SACS: variants seen among roughly 807,000 people sequenced by gnomAD.
The protein encoded by SACS is sacsin.
Under a neutral mutation model 348.0 loss-of-function variants are expected in SACS, and 197 were observed. The ratio of observed to expected loss-of-function variants is 0.57; its 90% confidence interval spans 0.50 to 0.64. SACS has a LOEUF of 0.64. Ranked by LOEUF, SACS falls within the 30% of genes least tolerant of loss-of-function variation. SACS has a pLI of 0.00. For missense variants in SACS, 4,999 were observed against 5,360.8 expected (o/e 0.93, Z 2.11); for synonymous variants, 1,985 against 1,910.6 (o/e 1.04, Z -1.02).
In SACS at chr13:23,371,151, G is replaced by A. The variant is rs2137815857; in HGVS notation, c.186C>T (p.Ile62=). The change falls in exon 4 of 10, where the codon ATC becomes ATT. Residue 62 remains isoleucine (I), a synonymous_variant. Coordinates refer to ENST00000382292, the MANE Select transcript of SACS (RefSeq NM_014363.6). ...WRGGRELSDW[I]KIGDLTSKNC... Reference sequence around the variant, plus strand: ...TTTTGGAAGTCAGATCTCCAATCTTGATCCAGTCAGATAACTGAAAAAAAG... The same window carrying A: ...TTTTGGAAGTCAGATCTCCAATCTTAATCCAGTCAGATAACTGAAAAAAAG... The A allele has an allele frequency of 6.2e-7, 1 of 1,609,290 alleles. No individual in the cohort carries two copies. The highest frequency in any genetic ancestry group is 8.5e-7 in the Non-Finnish European group (1 of 1,176,144).
chr13:23,375,428 C>G, intron 2 of SACS, 159 bp from the exon 3 acceptor site: 1 of 1,201,520 alleles, frequency 8.3e-7, no homozygotes, highest in Non-Finnish European at 1.0e-6. Context: ...CCGGCCCTAC[C>G]GCGTCCACAG....
chr13:23,430,853 G>A (rs79893342), intron 1 of SACS, among the ~76,000 whole-genome samples: 4,695 of 152,248 alleles, frequency 0.031, 103 homozygotes, highest in Middle Eastern at 0.051. Flanking sequence ...TTGGACCACA[G>A]ATCTCTCCTG....
At chr13:23,392,545 C>G (rs946315858) in intron 2 of SACS, among the ~76,000 whole-genome samples, 1 of 152,292 alleles carries the variant, frequency 6.6e-6, no homozygotes, top group Non-Finnish European at 1.5e-5. Context: ...TGCCTTTTCT[C>G]GAGCACTCAT....
At chr13:23,417,429 A>C (rs1770548512) in intron 1 of SACS, among the ~76,000 whole-genome samples, 1 of 152,234 alleles carries the variant, frequency 6.6e-6, no homozygotes, top group Non-Finnish European at 1.5e-5. Flanking sequence ...TGGCATTCGC[A>C]TGGGAACAAT....
Position 23,355,489 on chromosome 13 carries a change from C to A in SACS, c.1123G>T (p.Val375Leu). ...CTCTCCTCTTCTAAAACAATATTTA[C>A]GTGATATGTTACACAGGTGATGTTA... ...SNNITCVTYH[V>L]NIVLEEESTK... The change falls in exon 8 of 10, where the codon GTA becomes TTA. Residue 375 changes from valine (V) to leucine (L), a missense_variant. Around this residue, in one of 6 missense-constraint regions of SACS, gnomAD observed 3,156 missense variants for 3,380.1 expected, o/e 0.93. Coordinates refer to ENST00000382292, the MANE Select transcript of SACS (RefSeq NM_014363.6). The A allele has an allele frequency of 1.2e-6, 2 of 1,614,072 alleles. No individual in the cohort carries two copies. The highest frequency in any genetic ancestry group is 1.6e-4 in the Middle Eastern group (1 of 6,062).
chr13:23,365,052 A>C lies in SACS; in HGVS notation c.457+114T>G, dbSNP rs1041233060. 4 of 722,638 alleles carry C rather than the reference A, an allele frequency of 5.5e-6. No homozygotes were observed. In the African/African-American group the frequency reaches 7.2e-5, roughly 13 times the overall value. 44.8% of individuals were successfully genotyped at this position (722,638 alleles called of 1,614,324 possible). A position where few individuals can be genotyped will look rare whatever the true frequency, so the allele number is the denominator to read the frequency against. On this transcript the variant is annotated intron_variant, in intron 6 of 9. Transcript: ENST00000382292. Reference sequence around the variant, plus strand: ...GAAAAACATCTGAAGAAGTGGACATAAACATGCCAAAAAGTACAAATGATA... The same window carrying C: ...GAAAAACATCTGAAGAAGTGGACATCAACATGCCAAAAAGTACAAATGATA...
chr13:23,358,083 C>T (rs143874802), intron 7 of SACS, among the ~76,000 whole-genome samples: 5 of 152,334 alleles, frequency 3.3e-5, no homozygotes, highest in Middle Eastern at 3.4e-3. Context: ...ATATGTTACA[C>T]TGATTCCACT....
rs1320224066 is a variant in SACS, at chr13:23,334,274, A to G, written c.9602T>C (p.Leu3201Ser). 6.8e-6 allele frequency: 11 copies of G among 1,606,332 alleles called. No homozygotes were observed. The highest frequency in any genetic ancestry group is 9.4e-6 in the Non-Finnish European group (11 of 1,175,986). The change falls in exon 10 of 10, where the codon TTG (leucine) becomes TCG (serine). Residue 3201 changes from leucine (L) to serine (S), a missense_variant. Physicochemically the swap from Leu to Ser is moderately radical, Grantham distance 145. Coordinates refer to ENST00000382292, the MANE Select transcript of SACS (RefSeq NM_014363.6). ...TLYLKYSNIL[L>S]NCKVAKVFDI... Reference sequence around the variant, plus strand: ...AAACACTTTTGCAACTTTACAGTTCAATAAAATATTACTATATTTCAAATA... The same window carrying G: ...AAACACTTTTGCAACTTTACAGTTCGATAAAATATTACTATATTTCAAATA...
intron 2 of SACS, among the ~76,000 whole-genome samples, chr13:23,399,031 A>T (rs1233924553): frequency 6.6e-6 from 1 of 150,616 alleles, no homozygotes; most frequent in African/African-American, 2.4e-5. Context: ...AAAAAAAAAA[A>T]AAAAAACATG....
intron 1 of SACS, among the ~76,000 whole-genome samples, chr13:23,420,972 A>T (rs1447227379): frequency 6.6e-5 from 10 of 151,638 alleles, no homozygotes; most frequent in African/African-American, 2.4e-4. Flanking sequence ...GTCCACCAGG[A>T]GCCTAATGTC....
chr13:23,350,711 T>C (rs1465697453), intron 9 of SACS, among the ~76,000 whole-genome samples: 1 of 152,148 alleles, frequency 6.6e-6, no homozygotes, highest in Non-Finnish European at 1.5e-5. Flanking sequence ...AAATATCAAA[T>C]GTAGTTACAT....
chr13:23,360,848 G>A (rs762171325), intron 6 of SACS, among the ~76,000 whole-genome samples: 3 of 151,134 alleles, frequency 2.0e-5, no homozygotes, highest in East Asian at 1.9e-4. Context: ...TCCGCCTCCC[G>A]GGTTCAAGCA....
At position 23,340,970 on chromosome 13, in the gene SACS, C is replaced by T. The variant is rs1272108997; in HGVS notation, c.2906G>A (p.Ser969Asn). The change falls in exon 10 of 10, where the codon AGT becomes AAT. Residue 969 changes from serine (S) to asparagine (N), a missense_variant. Around this residue, in one of 6 missense-constraint regions of SACS, gnomAD observed 3,156 missense variants for 3,380.1 expected, o/e 0.93. Coordinates refer to ENST00000382292, the MANE Select transcript of SACS (RefSeq NM_014363.6). ...CAGACGAATAGTAGCTTCATCACTA[C>T]TGTCTATTACTGAAATAGAAAGTCG... is the stretch of plus-strand genomic sequence containing the variant. ...DLRLSISVID[S>N]SDEATIRLAN... 6 of 1,613,966 alleles carry T rather than the reference C, an allele frequency of 3.7e-6. No homozygotes were observed. The African/African-American group carries it at 8.0e-5, about 22-fold the overall frequency.
rs778808568 is a variant in SACS, at chr13:23,330,971, G to A, written c.12905C>T (p.Ser4302Phe). ...CACTTCTTTTAAGATTTCTGGTAAAGAATTAACCTTAAGCTTTTTGGGGGA... is the reference window on the plus strand; with the variant it reads ...CACTTCTTTTAAGATTTCTGGTAAAAAATTAACCTTAAGCTTTTTGGGGGA... ...HQSPKKLKVN[S>F]LPEILKEVTS... The change falls in exon 10 of 10, where the codon TCT becomes TTT. Residue 4302 changes from serine (S) to phenylalanine (F), a missense_variant. This residue lies in a region of SACS where 831 missense variants were observed against 941.8 expected (regional missense o/e 0.88). Coordinates refer to ENST00000382292, the MANE Select transcript of SACS (RefSeq NM_014363.6). 2 of 1,613,978 alleles carry A rather than the reference G, an allele frequency of 1.2e-6. No homozygotes were observed. Among genetic ancestry groups the A allele is most frequent in the African/African-American group, 2.7e-5 (2 of 74,898 alleles).
Position 23,334,994 on chromosome 13 carries a change from G to A in SACS, c.8882C>T (p.Ser2961Leu), listed in dbSNP as rs867780932. 1.2e-6 allele frequency: 2 copies of A among 1,613,776 alleles called. No homozygotes were observed. The highest frequency in any genetic ancestry group is 1.7e-5 in the Admixed American group (1 of 60,006). ...ATCAAGACGGTTAACTGGGAAAAACGATAAAAACTTCTTTAAAGTGTCCTT... is the reference window on the plus strand; with the variant it reads ...ATCAAGACGGTTAACTGGGAAAAACAATAAAAACTTCTTTAAAGTGTCCTT... ...VVKDTLKKFLSFFPVNRLDLQ... is the reference protein window; with the variant it reads ...VVKDTLKKFLLFFPVNRLDLQ... Residue 2961 changes from serine (S) to leucine (L), a missense_variant, in exon 10 of 10, where the codon TCG (serine) becomes TTG (leucine). Coordinates refer to ENST00000382292, the MANE Select transcript of SACS (RefSeq NM_014363.6).
At chr13:23,399,019 CAAA>C (rs752943692) in intron 2 of SACS, among the ~76,000 whole-genome samples, 2 of 67,134 alleles carry the variant, frequency 3.0e-5, no homozygotes, top group African/African-American at 1.1e-4. Context: ...GACTCCATCT[CAAA>C]AAAAAAAAAA....
chr13:23,370,656 T>C (rs1461941787), intron 4 of SACS, among the ~76,000 whole-genome samples: 1 of 152,134 alleles, frequency 6.6e-6, no homozygotes, highest in Non-Finnish European at 1.5e-5. Flanking sequence ...TTCTACTCCC[T>C]GCTTCTTTGT....
intron 9 of SACS, among the ~76,000 whole-genome samples, chr13:23,350,963 T>C (rs1401869257): frequency 6.6e-6 from 1 of 152,224 alleles, no homozygotes; most frequent in Admixed American, 6.5e-5. Flanking sequence ...TACCTGTGAC[T>C]AGACTGGTGA....
chr13:23,375,040 G>A (rs994944501), intron 3 of SACS, 79 bp downstream of exon 3: 1 of 1,307,662 alleles, frequency 7.6e-7, no homozygotes, highest in East Asian at 3.2e-5. Context: ...GGAAACCTGC[G>A]TCGCCCACCC....
Sources: allele counts gnomAD v4.1 joint callset (sites outside exome capture counted in the v4.1 genomes callset), GRCh38; gene constraint gnomAD v4.1.1; regional missense constraint gnomAD v4.1.1; transcripts MANE v1.5; gene names NCBI Gene and HGNC (gene_info 2026-07-23, HGNC 2026-07-21).